The following AGBL1 variants were observed in gnomAD, a reference collection of about 807,000 sequenced individuals.
AGBL1 encodes AGBL carboxypeptidase 1, also known as cytosolic carboxypeptidase 4.
Under a neutral mutation model 118.9 loss-of-function variants are expected in AGBL1, and 130 were observed. The ratio of observed to expected loss-of-function variants is 1.09; its 90% CI spans 0.95 to 1.26. AGBL1 has a LOEUF of 1.26. AGBL1 is among the 50% of genes most tolerant of loss of function. AGBL1 has a pLI of 0.00. For missense variants in AGBL1, 1,584 were observed against 1,298.1 expected (o/e 1.22, Z -3.38); for synonymous variants, 555 against 478.9 (o/e 1.16, Z -2.08).
chr15:86,764,889 G>T (rs1335612223), intron 22 of AGBL1, among the ~76,000 whole-genome samples: 1 of 151,986 alleles, frequency 6.6e-6, no homozygotes. Context: ...CTACTCTAAT[G>T]AACCTATTTC....
chr15:86,433,668 G>A (rs1453209780), intron 18 of AGBL1, among the ~76,000 whole-genome samples: 2 of 152,082 alleles, frequency 1.3e-5, no homozygotes, highest in African/African-American at 4.8e-5. Context: ...CCTCCAGGGA[G>A]GGTGCCCCTC....
At chr15:86,762,058 G>A (rs910297692) in intron 22 of AGBL1, among the ~76,000 whole-genome samples, 8 of 152,056 alleles carry the variant, frequency 5.3e-5, no homozygotes, top group Non-Finnish European at 1.2e-4. Context: ...ATGAGATTAT[G>A]TCATTTGCAG....
intron 18 of AGBL1, among the ~76,000 whole-genome samples, chr15:86,476,869 A>T (rs1331452557): frequency 6.6e-6 from 1 of 152,254 alleles, no homozygotes; most frequent in East Asian, 1.9e-4. Context: ...AACAGAAATT[A>T]TAACAAAGTG....
At chr15:86,762,787 A>G (rs2078044794) in intron 22 of AGBL1, among the ~76,000 whole-genome samples, 1 of 152,040 alleles carries the variant, frequency 6.6e-6, no homozygotes, top group Non-Finnish European at 1.5e-5. Context: ...TTCCAACTCA[A>G]AGAATGCATT....
At chr15:86,295,535 A>T in intron 17 of AGBL1, 127 bp downstream of exon 17, 1 of 916,050 alleles carries the variant, frequency 1.1e-6, no homozygotes, top group Admixed American at 2.9e-5. Context: ...CTTTGTAGAA[A>T]TACACCCCCA....
chr15:86,239,624 G>A (rs2078609885), intron 6 of AGBL1, among the ~76,000 whole-genome samples: 1 of 152,150 alleles, frequency 6.6e-6, no homozygotes, highest in African/African-American at 2.4e-5. Context: ...GGGACTCAAA[G>A]AACCATAGGC....
At chr15:86,920,300 A>G (rs747977445), downstream of AGBL1, among the ~76,000 whole-genome samples, 1 of 152,150 alleles carries the variant, frequency 6.6e-6, no homozygotes, top group Non-Finnish European at 1.5e-5. Context: ...TTGGCCTGTG[A>G]CATCTCAAAG....
At chr15:86,123,855 A>G (rs1898240697) in intron 1 of AGBL1, among the ~76,000 whole-genome samples, 1 of 152,140 alleles carries the variant, frequency 6.6e-6, no homozygotes, top group Admixed American at 6.5e-5. Flanking sequence ...ATCCCTTCAA[A>G]TATTTTGCAG....
chr15:86,704,441 GAAA>G (rs1043854738), intron 22 of AGBL1, among the ~76,000 whole-genome samples: 1 of 151,966 alleles, frequency 6.6e-6, no homozygotes, highest in Non-Finnish European at 1.5e-5. Context: ...ACATTTACAA[GAAA>G]AAAATAAACA....
intron 21 of AGBL1, among the ~76,000 whole-genome samples, chr15:86,572,324 C>T (rs565496933): frequency 3.9e-5 from 6 of 152,338 alleles, no homozygotes; most frequent in Middle Eastern, 3.4e-3. Flanking sequence ...GTCCCTGGTT[C>T]CCGCTGGCTC....
intron 23 of AGBL1, among the ~76,000 whole-genome samples, chr15:86,957,164 C>G (rs2080939511): frequency 6.6e-6 from 1 of 152,042 alleles, no homozygotes; most frequent in Non-Finnish European, 1.5e-5. Context: ...CTGAATTCAA[C>G]ACACTGAAAA....
chr15:86,362,077 T>G (rs2056239706), intron 17 of AGBL1, among the ~76,000 whole-genome samples: 2 of 152,174 alleles, frequency 1.3e-5, no homozygotes, highest in Non-Finnish European at 2.9e-5. Flanking sequence ...TTGAGTCCTT[T>G]CTTTTTCTCT....
intron 17 of AGBL1, among the ~76,000 whole-genome samples, chr15:86,300,982 TAC>T (rs1020174899): frequency 1.5e-4 from 23 of 152,218 alleles, no homozygotes; most frequent in East Asian, 9.7e-4. Context: ...AGTGGAAAAA[TAC>T]ACAGTTACAG....
chr15:86,203,524 T>C (rs2077941177), intron 5 of AGBL1, among the ~76,000 whole-genome samples: 1 of 152,124 alleles, frequency 6.6e-6, no homozygotes, highest in Admixed American at 6.5e-5. Context: ...GAGTGGATAG[T>C]TGGATAGAAT....
intron 17 of AGBL1, among the ~76,000 whole-genome samples, chr15:86,368,708 G>A (rs747843996): frequency 7.9e-5 from 12 of 152,158 alleles, no homozygotes; most frequent in Non-Finnish European, 1.5e-4. Context: ...AGGATATACT[G>A]AGAGGCTCGC....
Position 86,247,823 on chromosome 15 carries a change from G to A in AGBL1, c.679G>A (p.Gly227Ser), listed in dbSNP as rs754305559. Residue 227 changes from glycine (G) to serine (S), a missense_variant, in exon 7 of 23, where the codon GGC becomes AGC. By Grantham distance (56) the Gly-to-Ser change is moderately conservative. Transcript: ENST00000614907. ...CAGGCACATTGCTGCCCTCCGGTCCGGCAGGGAGGCCTTCCTGGCAGCACA... is the reference window on the plus strand; with the variant it reads ...CAGGCACATTGCTGCCCTCCGGTCCAGCAGGGAGGCCTTCCTGGCAGCACA... ...CLRHIAALRS[G>S]REAFLAAQGM... The A allele has an allele frequency of 8.7e-6, 14 of 1,613,974 alleles. No individual in the cohort carries two copies. Among genetic ancestry groups the A allele is most frequent in the Admixed American group, 5.0e-5 (3 of 60,030 alleles).
At chr15:86,238,640 G>A (rs2078592950) in intron 6 of AGBL1, among the ~76,000 whole-genome samples, 1 of 152,120 alleles carries the variant, frequency 6.6e-6, no homozygotes, top group Admixed American at 6.5e-5. Context: ...CAGTTACAAT[G>A]AAAACATCAC....
intron 17 of AGBL1, chr15:86,299,634 G>A (rs1477512435): frequency 6.6e-6 from 1 of 152,124 alleles, no homozygotes; most frequent in Admixed American, 6.5e-5. Flanking sequence ...AGTGCCTTCT[G>A]AGCCTAGTCT....
At chr15:86,587,493 C>T (rs4502188) in intron 21 of AGBL1, among the ~76,000 whole-genome samples, 39,610 of 151,790 alleles carry the variant, frequency 0.26, 6,402 homozygotes, top group Middle Eastern at 0.37. Context: ...GTGTTGGCTA[C>T]GGTTTGGGAA....
Sources: allele counts gnomAD v4.1 joint callset (sites outside exome capture counted in the v4.1 genomes callset), GRCh38; gene constraint gnomAD v4.1.1; transcripts MANE v1.5; gene names NCBI Gene and HGNC (gene_info 2026-07-23, HGNC 2026-07-21).